The following NSUN3 variants were observed in gnomAD, a reference collection of about 807,000 sequenced individuals.
The protein encoded by NSUN3 is NOP2/Sun RNA methyltransferase 3, also known as tRNA (cytosine(34)-C(5))-methyltransferase, mitochondrial.
Under a neutral mutation model 36.8 loss-of-function variants are expected in NSUN3, and 24 were observed. The observed-to-expected ratio is 0.65, with a 90% CI of 0.47 to 0.92. The LOEUF (loss-of-function observed/expected upper bound fraction) is 0.92. NSUN3 is among the 40% of genes least tolerant of loss of function. NSUN3 has a pLI of 0.00. For missense variants in NSUN3, 381 were observed against 392.8 expected (o/e 0.97, Z 0.25); for synonymous variants, 146 against 145.2 (o/e 1.01, Z -0.04).
At chr3:94,086,365 A>T (rs1347204835) in intron 3 of NSUN3, among the ~76,000 whole-genome samples, 2 of 152,230 alleles carry the variant, frequency 1.3e-5, no homozygotes, top group African/African-American at 2.4e-5. Context: ...TGTCATTTGT[A>T]AAGTTGGTGA....
chr3:94,110,398 T>TCAGTGATAGGAA (rs1386880079), intron 5 of NSUN3, among the ~76,000 whole-genome samples: 1 of 152,086 alleles, frequency 6.6e-6, no homozygotes, highest in Non-Finnish European at 1.5e-5. Flanking sequence ...GTGATAACTT[T>TCAGTGATAGGAA]GGGTTACAAA....
intron 2 of NSUN3, among the ~76,000 whole-genome samples, chr3:94,070,554 C>T (rs1056050578): frequency 6.6e-6 from 1 of 152,182 alleles, no homozygotes; most frequent in Non-Finnish European, 1.5e-5. Context: ...TATGTAGGCT[C>T]AGGCAAGTGA....
chr3:94,084,423 A>C lies in NSUN3; in HGVS notation c.439A>C (p.Ile147Leu), dbSNP rs146785886. Reference sequence around the variant, plus strand: ...CTGTGCTGCTCCTGGAGGGAAATCAATAGCTCTGCTGCAGTGTGCTTGTCC... The same window carrying C: ...CTGTGCTGCTCCTGGAGGGAAATCACTAGCTCTGCTGCAGTGTGCTTGTCC... ...DLCAAPGGKS[I>L]ALLQCACPGY... The change falls in exon 3 of 6, where the codon ATA (isoleucine) becomes CTA (leucine). Residue 147 changes from isoleucine to leucine, a missense_variant. By Grantham distance (5) the Ile-to-Leu change is conservative (BLOSUM62 2). Transcript: ENST00000314622. 6.2e-7 allele frequency: 1 copy of C among 1,613,960 alleles called. No homozygotes were observed. The highest frequency in any genetic ancestry group is 8.5e-7 in the Non-Finnish European group (1 of 1,179,936).
At chr3:94,095,713 C>G (rs1404460154) in intron 5 of NSUN3, among the ~76,000 whole-genome samples, 1 of 152,040 alleles carries the variant, frequency 6.6e-6, no homozygotes, top group African/African-American at 2.4e-5. Context: ...CCATGTAATT[C>G]TCTTGTTTAA....
chr3:94,069,672 A>C (rs1480042557), intron 2 of NSUN3, among the ~76,000 whole-genome samples: 2 of 152,250 alleles, frequency 1.3e-5, no homozygotes, highest in Non-Finnish European at 2.9e-5. Context: ...ATGATACATT[A>C]TACAGTTTTG....
chr3:94,066,057 A>T (rs55750249), intron 2 of NSUN3, among the ~76,000 whole-genome samples: 3 of 143,740 alleles, frequency 2.1e-5, no homozygotes, highest in Admixed American at 6.9e-5. Context: ...GATGTGATTT[A>T]AAAAAAAAAA....
chr3:94,116,259 TC>T (rs1029055781), intron 5 of NSUN3, among the ~76,000 whole-genome samples: 2 of 152,162 alleles, frequency 1.3e-5, no homozygotes, highest in Non-Finnish European at 2.9e-5. Context: ...GAGGCATGAT[TC>T]TATTTCCCTC....
intron 5 of NSUN3, among the ~76,000 whole-genome samples, chr3:94,103,596 CTA>C (rs2077374439): frequency 6.6e-6 from 1 of 151,600 alleles, no homozygotes; most frequent in East Asian, 1.9e-4. Context: ...CCCTTGGCTG[CTA>C]TAGTATGTAG....
At chr3:94,118,167 A>C (rs2077447915) in intron 5 of NSUN3, among the ~76,000 whole-genome samples, 1 of 152,212 alleles carries the variant, frequency 6.6e-6, no homozygotes, top group Non-Finnish European at 1.5e-5. Context: ...CGATTTGATC[A>C]TTCTACATTG....
At chr3:94,101,442 A>G (rs2077365950) in intron 5 of NSUN3, among the ~76,000 whole-genome samples, 1 of 152,138 alleles carries the variant, frequency 6.6e-6, no homozygotes, top group Non-Finnish European at 1.5e-5. Context: ...AACTTATTGG[A>G]AGGCACAATG....
intron 2 of NSUN3, among the ~76,000 whole-genome samples, chr3:94,078,063 T>C (rs560134874): frequency 1.3e-5 from 2 of 152,364 alleles, no homozygotes; most frequent in South Asian, 4.1e-4. Context: ...TCCTGCTTTC[T>C]CTTGTGAGCA....
chr3:94,069,411 T>C (rs1208587975), intron 2 of NSUN3, among the ~76,000 whole-genome samples: 1 of 152,246 alleles, frequency 6.6e-6, no homozygotes, highest in Non-Finnish European at 1.5e-5. Flanking sequence ...AAGAGTTGAA[T>C]GAGCACCCTC....
chr3:94,076,901 G>T, intron 2 of NSUN3: 1 of 1,388,398 alleles, frequency 7.2e-7, no homozygotes, highest in East Asian at 2.3e-5. Context: ...ATCAAAATGA[G>T]CATCATCATT....
chr3:94,116,379 A>G (rs1319448871), intron 5 of NSUN3, among the ~76,000 whole-genome samples: 1 of 152,214 alleles, frequency 6.6e-6, no homozygotes, highest in Non-Finnish European at 1.5e-5. Context: ...TTGATTTTAC[A>G]GAATTTCTTT....
chr3:94,095,913 A>ATTTTTT (rs60524751), intron 5 of NSUN3, among the ~76,000 whole-genome samples: 5 of 124,530 alleles, frequency 4.0e-5, no homozygotes, highest in Non-Finnish European at 8.3e-5. Flanking sequence ...AGCCTAGCTA[A>ATTTTTT]TTTTTTTTTT....
At chr3:94,098,019 T>C (rs1180601747) in intron 5 of NSUN3, among the ~76,000 whole-genome samples, 1 of 152,166 alleles carries the variant, frequency 6.6e-6, no homozygotes, top group Non-Finnish European at 1.5e-5. Flanking sequence ...ATAATTAAGA[T>C]AAAAATCATA....
intron 5 of NSUN3, among the ~76,000 whole-genome samples, chr3:94,109,241 G>T (rs1276147984): frequency 6.6e-6 from 1 of 152,138 alleles, no homozygotes; most frequent in Non-Finnish European, 1.5e-5. Context: ...TATGATTTTT[G>T]TGGCAATTTG....
chr3:94,099,602 C>T (rs1476081508), intron 5 of NSUN3, among the ~76,000 whole-genome samples: 2 of 151,826 alleles, frequency 1.3e-5, no homozygotes, highest in African/African-American at 2.4e-5. Flanking sequence ...TTTGGAATGA[C>T]TTGAAGCAGC....
intron 2 of NSUN3, among the ~76,000 whole-genome samples, chr3:94,069,962 TTTAC>T (rs2077218703): frequency 6.6e-6 from 1 of 152,220 alleles, no homozygotes. Context: ...TCTGTCTAGT[TTTAC>T]TTAATTTTTT....
Sources: allele counts gnomAD v4.1 joint callset (sites outside exome capture counted in the v4.1 genomes callset), GRCh38; gene constraint gnomAD v4.1.1; transcripts MANE v1.5; gene names NCBI Gene and HGNC (gene_info 2026-07-23, HGNC 2026-07-21).